AOPEP: variants seen among roughly 807,000 people sequenced by gnomAD.
AOPEP encodes aminopeptidase O (putative).
AOPEP carries 77 observed loss-of-function variants against 98.1 expected under a neutral mutation model. The ratio of observed to expected loss-of-function variants is 0.78; its 90% CI spans 0.65 to 0.95. The LOEUF is 0.95. Among genes scored for constraint, AOPEP ranks in the 40% least tolerant of loss-of-function variants. The pLI is 0.00. For missense variants in AOPEP, 1,024 were observed against 1,024.7 expected, an observed-to-expected ratio of 1.00 and a Z score of 0.01; for synonymous variants, 346 against 365.3, an observed-to-expected ratio of 0.95 and a Z score of 0.60.
chr9:94,727,169 G>T (rs1193412269), intron 1 of AOPEP, among the ~76,000 whole-genome samples: 1 of 152,238 alleles, frequency 6.6e-6, no homozygotes, highest in African/African-American at 2.4e-5. Context: ...TCCACTTGCA[G>T]TGAAACCCAT....
At chr9:94,815,120 C>G (rs1851418438) in intron 5 of AOPEP, among the ~76,000 whole-genome samples, 1 of 152,108 alleles carries the variant, frequency 6.6e-6, no homozygotes, top group Non-Finnish European at 1.5e-5. Flanking sequence ...GGATGGATCT[C>G]CTGTCATTCC....
At chr9:95,112,857 G>C in the AOPEP span, among the ~76,000 whole-genome samples, 2 of 152,228 alleles carry the variant, frequency 1.3e-5, no homozygotes, top group African/African-American at 4.8e-5. Flanking sequence ...TCTAAGTCCT[G>C]TTCTGCAGCA....
At chr9:94,755,020 C>T (rs1836689260) in intron 1 of AOPEP, among the ~76,000 whole-genome samples, 1 of 152,148 alleles carries the variant, frequency 6.6e-6, no homozygotes, top group African/African-American at 2.4e-5. Context: ...CTTTCAAAGC[C>T]TTTAATGGTG....
At chr9:94,809,333 T>C (rs1347956500) in intron 5 of AOPEP, among the ~76,000 whole-genome samples, 1 of 152,258 alleles carries the variant, frequency 6.6e-6, no homozygotes, top group Non-Finnish European at 1.5e-5. Flanking sequence ...CTGTGCATCT[T>C]GAAGACAGAG....
the AOPEP span, among the ~76,000 whole-genome samples, chr9:95,096,438 G>A: frequency 1.1e-4 from 17 of 152,150 alleles, no homozygotes; most frequent in Non-Finnish European, 1.9e-4. Flanking sequence ...TGGTGGGTGC[G>A]GGAGGTGGGT....
chr9:94,846,281 G>C (rs570849575), intron 5 of AOPEP, among the ~76,000 whole-genome samples: 1 of 152,268 alleles, frequency 6.6e-6, no homozygotes, highest in African/African-American at 2.4e-5. Flanking sequence ...TGCGGACTGA[G>C]CTGTGGTGTC....
intron 5 of AOPEP, among the ~76,000 whole-genome samples, chr9:94,877,867 C>A (rs1010668857): frequency 6.6e-5 from 10 of 152,158 alleles, no homozygotes; most frequent in African/African-American, 2.4e-4. Flanking sequence ...TTGGTAACAA[C>A]CAGGTTATTC....
chr9:94,824,282 T>G (rs546613622), intron 5 of AOPEP: 62 of 152,362 alleles, frequency 4.1e-4, no homozygotes, highest in African/African-American at 1.4e-3. Flanking sequence ...TTCTTGCTTC[T>G]TCTGTAACAT....
intron 5 of AOPEP, among the ~76,000 whole-genome samples, chr9:94,822,787 G>A (rs1806996): frequency 0.071 from 10,752 of 152,180 alleles, 1,102 homozygotes; most frequent in African/African-American, 0.23. Context: ...TACATGTCAT[G>A]TATCATCCCA....
rs760597456 is a variant in AOPEP at position 94,972,401 on chromosome 9, C to T, written c.1916+4600C>T. 1.3e-4 allele frequency among the ~76,000 whole-genome samples: 20 copies of T among 152,182 alleles called. No individual in the cohort carries two copies. The highest frequency in any genetic ancestry group is 2.2e-4 in the Non-Finnish European group (15 of 68,036). On this transcript the variant is annotated intron_variant, in intron 10 of 16. Transcript: ENST00000375315. This position sits in a 1 kb window ranked among gnomAD's most constrained non-coding sequence, Gnocchi z 4.2. ...CCCAGACAATCCTGAGCAGCAGTCT[C>T]TCCTGGTGAAAGAGCCCCGTGGAAC...
intron 7 of AOPEP, among the ~76,000 whole-genome samples, chr9:94,940,353 C>G (rs552424022): frequency 6.6e-6 from 1 of 152,288 alleles, no homozygotes; most frequent in South Asian, 2.1e-4. Flanking sequence ...TGCCTGTAAT[C>G]TCAGCACTTT....
chr9:95,100,449 C>T, the AOPEP span: 1 of 231,578 alleles, frequency 4.3e-6, no homozygotes, highest in Admixed American at 5.6e-5. Context: ...TTGCTCATAC[C>T]TCAAAACGGA....
chr9:95,087,976 G>C (rs1354454788), downstream of AOPEP, among the ~76,000 whole-genome samples: 1 of 152,160 alleles, frequency 6.6e-6, no homozygotes, highest in African/African-American at 2.4e-5. Flanking sequence ...CTCTGGACTG[G>C]GAGGCCTTGG....
At chr9:94,886,121 G>A (rs943874236) in intron 5 of AOPEP, among the ~76,000 whole-genome samples, 7 of 152,062 alleles carry the variant, frequency 4.6e-5, no homozygotes, top group African/African-American at 1.7e-4. Context: ...ACAATGGAGA[G>A]GTCTGTATGG....
chr9:95,009,327 A>G (rs759563378), intron 13 of AOPEP, among the ~76,000 whole-genome samples: 2 of 151,992 alleles, frequency 1.3e-5, no homozygotes, highest in South Asian at 2.1e-4. Context: ...TCTTTTATCA[A>G]TATTCTAAGG....
chr9:95,116,968 C>G, the AOPEP span, among the ~76,000 whole-genome samples: 1 of 152,238 alleles, frequency 6.6e-6, no homozygotes, highest in Admixed American at 6.5e-5. Flanking sequence ...AACGAATGTA[C>G]TGTTTTATTC....
At chr9:94,780,896 G>A (rs1266886636) in intron 3 of AOPEP, among the ~76,000 whole-genome samples, 2 of 152,198 alleles carry the variant, frequency 1.3e-5, no homozygotes, top group Admixed American at 6.5e-5. Flanking sequence ...ACAGAAGCAA[G>A]GCACCTGGGA....
At chr9:95,134,113 G>A in the AOPEP span, among the ~76,000 whole-genome samples, 2 of 152,176 alleles carry the variant, frequency 1.3e-5, no homozygotes, top group Non-Finnish European at 2.9e-5. Flanking sequence ...TGAGAGCAGC[G>A]TGGCTGTCAG....
chr9:94,743,217 AGAG>A (rs1204950392), intron 1 of AOPEP, among the ~76,000 whole-genome samples: 3 of 122,328 alleles, frequency 2.5e-5, no homozygotes, highest in African/African-American at 3.5e-5. Context: ...AAGAGGAAGA[AGAG>A]GAAGAAGAAG....
Sources: gnomAD v4.1 joint callset for allele counts (sites outside exome capture counted in the v4.1 genomes callset) on GRCh38, gnomAD v4.1.1 for gene constraint, Gnocchi (gnomAD v3.1) non-coding constraint, MANE v1.5 for transcripts, NCBI Gene and HGNC (gene_info 2026-07-23, HGNC 2026-07-21) for gene names.